TTN: variants seen among roughly 807,000 people sequenced by gnomAD.
The protein encoded by TTN is titin.
In TTN, 1,525 loss-of-function variants were observed where a neutral mutation model predicts 3,223.0. That is an observed-to-expected ratio of 0.47 (90% CI 0.45 to 0.49). TTN has a LOEUF of 0.49. TTN is among the 20% of genes least tolerant of loss of function. The pLI is 0.00. For missense variants in TTN, 40,786 were observed against 43,424.0 expected (o/e 0.94, Z 5.40); for synonymous variants, 14,094 against 15,161.0 (o/e 0.93, Z 5.17).
chr2:178,550,122 A>AT lies in TTN; in HGVS notation c.91715dup (p.Asn30572LysfsTer16), dbSNP rs779129892. On this transcript the variant is annotated frameshift_variant, in exon 337 of 363. Transcript: ENST00000589042. LOFTEE classifies it high-confidence loss of function. ...ATCCAAGTACGTCGGTTATTTCCAT[A>AT]TTCATCCTCTTTTCGATTTCCACTC... 4 of 1,613,596 alleles carry AT rather than the reference A, an allele frequency of 2.5e-6. No homozygotes were observed. Among genetic ancestry groups the AT allele is most frequent in the African/African-American group, 1.3e-5 (1 of 74,888 alleles).
In TTN at chr2:178,608,911, A is replaced by C; in HGVS notation, c.52103-3T>G. 6.2e-7 allele frequency: 1 copy of C among 1,605,358 alleles called. No homozygotes were observed. The highest frequency in any genetic ancestry group is 8.5e-7 in the Non-Finnish European group (1 of 1,178,554). ...GTTGATTGGTGGTCCCGGTGTATCT[A>C]ATATTTCAGAAGAGAACAGTAATCA... On this transcript the variant is annotated splice_polypyrimidine_tract_variant and splice_region_variant and intron_variant, in intron 273 of 362. Transcript: ENST00000589042.
In TTN at chr2:178,739,210, A is replaced by G; in HGVS notation, c.14023T>C (p.Tyr4675His). Residue 4675 changes from tyrosine to histidine, a missense_variant, in exon 48 of 363, where the codon TAT becomes CAT. Physicochemically the swap from Tyr to His is moderately conservative, Grantham distance 83. Transcript: ENST00000589042. Reference protein sequence around the residue: ...KVNTEDHQGEYVCEALNDSGK... With the variant: ...KVNTEDHQGEHVCEALNDSGK... ...CTGTCATTCAAGGCCTCACAGACATACTCTCCTTGATGGTCTTCGGTATTT... is the reference window on the plus strand; with the variant it reads ...CTGTCATTCAAGGCCTCACAGACATGCTCTCCTTGATGGTCTTCGGTATTT... 2 of 1,560,822 alleles carry G rather than the reference A, an allele frequency of 1.3e-6. No individual in the cohort carries two copies. Among genetic ancestry groups the G allele is most frequent in the Non-Finnish European group, 1.7e-6 (2 of 1,150,762 alleles).
intron 241 of TTN, 92 bp downstream of exon 241, chr2:178,625,181 C>T (rs939778133): frequency 1.4e-6 from 2 of 1,450,434 alleles, no homozygotes; most frequent in African/African-American, 1.5e-5. Flanking sequence ...TTTTAAACAT[C>T]TATAGTACTC....
At chr2:178,797,332 T>C (rs1384151655) in intron 6 of TTN, among the ~76,000 whole-genome samples, 1 of 152,114 alleles carries the variant, frequency 6.6e-6, no homozygotes, top group Non-Finnish European at 1.5e-5. Flanking sequence ...CTTTACATTT[T>C]TGTGGCTAAA....
In TTN at chr2:178,622,707, G is replaced by A; in HGVS notation, c.44876C>T (p.Ala14959Val). ...TDLQVREKEM[A>V]RFECELSREN... is the part of the protein sequence containing the mutation. ...TCGGGAAAGTTCACACTCAAATCGA[G>A]CCATTTCTTTTTCTCTAACTTGAAG... Residue 14959 changes from alanine (A) to valine (V), a missense_variant, in exon 243 of 363, where the codon GCT (alanine) becomes GTT (valine). Ala to Val is a moderately conservative substitution (Grantham distance 64). Coordinates refer to ENST00000589042, the MANE Select transcript of TTN (RefSeq NM_001267550.2). 6.2e-7 allele frequency: 1 copy of A among 1,607,434 alleles called. No homozygotes were observed. Among genetic ancestry groups the A allele is most frequent in the South Asian group, 1.1e-5 (1 of 89,808 alleles).
rs1222393559 is a variant in TTN at position 178,600,849 on chromosome 2, C to T, written c.56050+5G>A. 3 of 1,612,598 alleles carry T rather than the reference C, an allele frequency of 1.9e-6. No homozygotes were observed. The highest frequency in any genetic ancestry group is 1.7e-6 in the Non-Finnish European group (2 of 1,179,126). ...GACATTCTTTGTCAGTACATTGGTA[C>T]TTACATGTCTGGTCTTTGACAGTCA... On this transcript the variant is annotated splice_donor_5th_base_variant and intron_variant, in intron 288 of 362. Coordinates refer to ENST00000589042, the MANE Select transcript of TTN (RefSeq NM_001267550.2).
At chr2:178,721,731 A>T (rs2078402540) in intron 78 of TTN, 116 bp downstream of exon 78, 1 of 1,193,348 alleles carries the variant, frequency 8.4e-7, no homozygotes, top group Admixed American at 2.7e-5. Context: ...CTAATACACA[A>T]ATTCTAACAT....
Position 178,607,926 on chromosome 2 carries a change from C to T in TTN, c.52861G>A (p.Glu17621Lys). ...TACTGACGGACCTTGATCATCTTCTCTGTGCAGCGTGACCATTCATTTGTG... is the reference window on the plus strand; with the variant it reads ...TACTGACGGACCTTGATCATCTTCTTTGTGCAGCGTGACCATTCATTTGTG... Reference protein sequence around the residue: ...VGTNEWSRCTEKMIKVRQYTV... With the variant: ...VGTNEWSRCTKKMIKVRQYTV... The change falls in exon 276 of 363, where the codon GAG (glutamate) becomes AAG (lysine). Residue 17621 changes from glutamate (E) to lysine (K), a missense_variant. Physicochemically the swap from Glu to Lys is moderately conservative, Grantham distance 56 (BLOSUM62 1). Coordinates refer to ENST00000589042, the MANE Select transcript of TTN (RefSeq NM_001267550.2). The T allele has an allele frequency of 6.2e-7, 1 of 1,613,040 alleles. No homozygotes were observed. The highest frequency in any genetic ancestry group is 8.5e-7 in the Non-Finnish European group (1 of 1,179,308).
chr2:178,730,893 C>A (rs1244354119), intron 60 of TTN, 32 bp downstream of exon 60: 1 of 1,550,860 alleles, frequency 6.4e-7, no homozygotes, highest in Admixed American at 1.9e-5. Context: ...CATGGAAATG[C>A]CCAATCCTCT....
Position 178,571,878 on chromosome 2 carries a change from C to T in TTN, c.74254G>A (p.Asp24752Asn). 6.8e-6 allele frequency: 11 copies of T among 1,613,452 alleles called. No homozygotes were observed. The highest frequency in any genetic ancestry group is 9.3e-6 in the Non-Finnish European group (11 of 1,179,580). ...GTTGTCTGCTTCAGTGGTACATTAT[C>T]TTTATGCCAGGTTACAGCTGGGGTA... is the stretch of plus-strand genomic sequence containing the variant. The part of the protein sequence containing the change: ...RPTPAVTWHK[D>N]NVPLKQTTRV... Residue 24752 changes from aspartate to asparagine, a missense_variant, in exon 326 of 363, where the codon GAT becomes AAT. Asp to Asn is a conservative substitution (Grantham distance 23, BLOSUM62 1). Coordinates refer to ENST00000589042, the MANE Select transcript of TTN (RefSeq NM_001267550.2).
Position 178,557,705 on chromosome 2 carries a change from G to T in TTN, c.87649C>A (p.Arg29217Ser). 1 of 1,613,904 alleles carries T rather than the reference G, an allele frequency of 6.2e-7. No individual in the cohort carries two copies. The highest frequency in any genetic ancestry group is 8.5e-7 in the Non-Finnish European group (1 of 1,179,838). ...TCTATATGATCACTGATGCCAAAGC[G>T]GTTTTCTGCCTTGATGCGGAATTGG... ...EYQFRIKAENRFGISDHIDSA... is the reference protein window; with the variant it reads ...EYQFRIKAENSFGISDHIDSA... Residue 29217 changes from arginine (R) to serine (S), a missense_variant, in exon 328 of 363, where the codon CGC becomes AGC. Transcript: ENST00000589042.
intron 100 of TTN, 85 bp downstream of exon 100, chr2:178,707,441 T>A: frequency 7.0e-7 from 1 of 1,427,900 alleles, no homozygotes; most frequent in South Asian, 1.7e-5. Context: ...AAAAATCTAA[T>A]TCCATTTCTA....
At chr2:178,793,207 C>A (rs541513240) in intron 9 of TTN, among the ~76,000 whole-genome samples, 197 bp downstream of exon 9, 1 of 152,294 alleles carries the variant, frequency 6.6e-6, no homozygotes, top group East Asian at 1.9e-4. Context: ...CTTTTTCATA[C>A]TCACAAGGGG....
chr2:178,770,536 C>G lies in TTN; in HGVS notation c.8256G>C (p.Lys2752Asn), dbSNP rs1253422827. 1.2e-6 allele frequency: 2 copies of G among 1,614,112 alleles called. No individual in the cohort carries two copies. The highest frequency in any genetic ancestry group is 2.2e-5 in the South Asian group (2 of 91,084). Residue 2752 changes from lysine to asparagine, a missense_variant, in exon 35 of 363, where the codon AAG becomes AAC. Transcript: ENST00000589042. The stretch of plus-strand genomic sequence containing the variant: ...TTGTTCCTTTGACAGAGATAGCATA[C>G]TTTTCATTGGATTCCAGCACAACTC... ...KNGVVLESNE[K>N]YAISVKGTIY...
Position 178,565,619 on chromosome 2 carries a change from G to A in TTN, c.80513C>T (p.Ala26838Val), listed in dbSNP as rs74365721. ...SIVAESKVCN[A>V]VVTGLSSGQE... ...TCCAGAACTCAAACCAGTAACAACT[G>A]CATTACAGACTTTGGATTCAGCCAC... Residue 26838 changes from alanine to valine, a missense_variant, in exon 326 of 363, where the codon GCA becomes GTA. By Grantham distance (64) the Ala-to-Val change is moderately conservative. Transcript: ENST00000589042. 2 of 1,613,414 alleles carry A rather than the reference G, an allele frequency of 1.2e-6. No homozygotes were observed. The highest frequency in any genetic ancestry group is 2.7e-5 in the African/African-American group (2 of 74,876).
In TTN at chr2:178,739,645, T is replaced by C; in HGVS notation, c.13588A>G (p.Ile4530Val). 6.2e-7 allele frequency: 1 copy of C among 1,613,910 alleles called. No individual in the cohort carries two copies. Among genetic ancestry groups the C allele is most frequent in the Non-Finnish European group, 8.5e-7 (1 of 1,179,838 alleles). ...AAATAACTGACCTCTTCAGTTGAGA[T>C]CAGATATTTAGATTCAACTTCTGGT... ...TEPEVESKYL[I>V]STEEVSYFNV... Residue 4530 changes from isoleucine (I) to valine (V), a missense_variant, in exon 48 of 363, where the codon ATC (isoleucine) becomes GTC (valine). Ile to Val is a conservative substitution (Grantham distance 29). Transcript: ENST00000589042.
At position 178,567,951 on chromosome 2, in the gene TTN, A is replaced by T; in HGVS notation, c.78181T>A (p.Tyr26061Asn). 7 of 1,613,590 alleles carry T rather than the reference A, an allele frequency of 4.3e-6. No homozygotes were observed. Among genetic ancestry groups the T allele is most frequent in the Non-Finnish European group, 5.9e-6 (7 of 1,179,614 alleles). ...KAQNLEEGIE[Y>N]EFRVYAENIV... ...TTTTCAGCATACACTCTGAATTCAT[A>T]TTCAATGCCTTCTTCAAGATTCTGT... The change falls in exon 326 of 363, where the codon TAT becomes AAT. Residue 26061 changes from tyrosine (Y) to asparagine (N), a missense_variant. By Grantham distance (143) the Tyr-to-Asn change is moderately radical. Coordinates refer to ENST00000589042, the MANE Select transcript of TTN (RefSeq NM_001267550.2).
rs1060500388 is a variant in TTN, at chr2:178,584,479, A to T, written c.65072T>A (p.Ile21691Asn). The part of the protein sequence containing the change: ...DRPDSDGGSP[I>N]IGYLIERKER... ...CTTGCGTTCAATCAGATAACCAATA[A>T]TGGGGCTCCCTCCATCACTATCTGG... is the stretch of plus-strand genomic sequence containing the variant. Residue 21691 changes from isoleucine to asparagine, a missense_variant, in exon 311 of 363, where the codon ATT becomes AAT. Physicochemically the swap from Ile to Asn is moderately radical, Grantham distance 149. Transcript: ENST00000589042. 9 of 1,613,164 alleles carry T rather than the reference A, an allele frequency of 5.6e-6. No homozygotes were observed. Among genetic ancestry groups the T allele is most frequent in the Admixed American group, 1.7e-5 (1 of 59,956 alleles).
chr2:178,754,452 A>C (rs2086403388), intron 46 of TTN, among the ~76,000 whole-genome samples: 1 of 152,190 alleles, frequency 6.6e-6, no homozygotes, highest in Admixed American at 6.6e-5. Context: ...TTGGAACTGA[A>C]TGAACTGGAG....
Sources: gnomAD v4.1 joint callset for allele counts (sites outside exome capture counted in the v4.1 genomes callset) on GRCh38, gnomAD v4.1.1 for gene constraint, MANE v1.5 for transcripts, NCBI Gene and HGNC (gene_info 2026-07-23, HGNC 2026-07-21) for gene names.